The following GRM8 variants were observed in gnomAD, a reference collection of about 807,000 sequenced individuals.
The protein encoded by GRM8 is metabotropic glutamate receptor 8.
GRM8 carries 47 observed loss-of-function variants against 87.2 expected under a neutral mutation model. The observed-to-expected ratio is 0.54, with a 90% confidence interval of 0.43 to 0.69. The LOEUF is 0.69. Among genes scored for constraint, GRM8 ranks in the 30% least tolerant of loss-of-function variants. The probability of loss-of-function intolerance (pLI) is 0.00; values close to 1 mark genes in which losing one functional copy is unlikely to be tolerated. For missense variants in GRM8, 1,019 were observed against 1,139.2 expected (o/e 0.89, Z 1.52); for synonymous variants, 396 against 404.5 (o/e 0.98, Z 0.25).
At chr7:126,579,676 G>C (rs548517127) in intron 8 of GRM8, among the ~76,000 whole-genome samples, 99 of 152,240 alleles carry the variant, frequency 6.5e-4, no homozygotes, top group Non-Finnish European at 1.1e-3. Context: ...CTTTCTTCTA[G>C]ATCGCACCAG....
At chr7:126,866,613 A>T (rs1298109283) in intron 6 of GRM8, among the ~76,000 whole-genome samples, 1 of 96,398 alleles carries the variant, frequency 1.0e-5, no homozygotes, top group Non-Finnish European at 1.9e-5. Context: ...TTTTTTTGAG[A>T]CGGAGTCTTG....
chr7:126,906,390 A>G (rs905088569), intron 3 of GRM8, among the ~76,000 whole-genome samples: 4 of 152,138 alleles, frequency 2.6e-5, no homozygotes, highest in African/African-American at 9.7e-5. Flanking sequence ...ATCATAGTTC[A>G]CTGTAGCCTC....
At chr7:126,619,863 G>A (rs1263267681) in intron 7 of GRM8, among the ~76,000 whole-genome samples, 4 of 152,014 alleles carry the variant, frequency 2.6e-5, no homozygotes, top group African/African-American at 7.2e-5. Flanking sequence ...GCTAATTTTT[G>A]TAATTTTTGG....
At chr7:126,495,391 T>C (rs1423037323) in intron 9 of GRM8, among the ~76,000 whole-genome samples, 2 of 151,968 alleles carry the variant, frequency 1.3e-5, no homozygotes, top group African/African-American at 2.4e-5. Context: ...AATCCATTAA[T>C]TGGGGGATGC....
chr7:127,200,004 G>C (rs1359749766), intron 2 of GRM8, among the ~76,000 whole-genome samples: 1 of 152,170 alleles, frequency 6.6e-6, no homozygotes, highest in Non-Finnish European at 1.5e-5. Context: ...TTAGAGAAGA[G>C]AAATAAAGCT....
intron 2 of GRM8, among the ~76,000 whole-genome samples, chr7:127,141,312 G>A (rs1188673675): frequency 2.0e-5 from 3 of 151,358 alleles, no homozygotes; most frequent in Admixed American, 6.6e-5. Flanking sequence ...ATACCCTGGC[G>A]AAGCTATGGC....
intron 7 of GRM8, among the ~76,000 whole-genome samples, chr7:126,669,414 T>A (rs1806148164): frequency 1.3e-5 from 2 of 152,186 alleles, no homozygotes; most frequent in African/African-American, 4.8e-5. Context: ...TGCTTGGATC[T>A]GATGTTTTTA....
intron 3 of GRM8, among the ~76,000 whole-genome samples, chr7:126,995,491 G>A (rs912268079): frequency 6.6e-6 from 1 of 152,138 alleles, no homozygotes; most frequent in Non-Finnish European, 1.5e-5. Flanking sequence ...AATTCTATCA[G>A]ATACATTTAA....
At chr7:126,781,310 T>G (rs2151639813) in intron 6 of GRM8, among the ~76,000 whole-genome samples, 1 of 152,310 alleles carries the variant, frequency 6.6e-6, no homozygotes, top group African/African-American at 2.4e-5. Flanking sequence ...GTAGGATATG[T>G]CCAAGTTCAA....
intron 9 of GRM8, among the ~76,000 whole-genome samples, chr7:126,460,290 G>T (rs894281014): frequency 2.0e-5 from 3 of 151,554 alleles, no homozygotes; most frequent in Non-Finnish European, 4.4e-5. Flanking sequence ...CCAAGATGAA[G>T]CATGCACTAA....
intron 6 of GRM8, among the ~76,000 whole-genome samples, chr7:126,783,186 A>C (rs1224631622): frequency 6.6e-6 from 1 of 152,092 alleles, no homozygotes; most frequent in Non-Finnish European, 1.5e-5. Flanking sequence ...TTTCTCCCCC[A>C]ATGATCTAAA....
chr7:126,473,958 T>C (rs1386283836), intron 9 of GRM8, among the ~76,000 whole-genome samples: 1 of 152,160 alleles, frequency 6.6e-6, no homozygotes, highest in East Asian at 1.9e-4. Flanking sequence ...CATGTGGAAC[T>C]ATGAATCCAT....
At chr7:127,165,139 C>A (rs1793357220) in intron 2 of GRM8, among the ~76,000 whole-genome samples, 2 of 61,616 alleles carry the variant, frequency 3.2e-5, no homozygotes, top group South Asian at 5.8e-4. Context: ...AACATGTAAA[C>A]AGATATATAT....
Position 126,440,754 on chromosome 7 carries a change from T to C in GRM8, c.2678-1586A>G, listed in dbSNP as rs1269506875. On this transcript the variant is annotated intron_variant, in intron 10 of 10. Coordinates refer to ENST00000339582, the MANE Select transcript of GRM8 (RefSeq NM_000845.3). ...GGCTATACCATTTGGTTTGTGTAAG[T>C]ACACTGTATGATGTTTGCGCAAAGA... 2.0e-5 allele frequency among the ~76,000 whole-genome samples: 3 copies of C among 152,084 alleles called. No individual in the cohort carries two copies. The East Asian group carries it at 5.8e-4, about 29-fold the overall frequency.
At chr7:126,671,557 C>T (rs1326094711) in intron 7 of GRM8, among the ~76,000 whole-genome samples, 2 of 152,140 alleles carry the variant, frequency 1.3e-5, no homozygotes, top group African/African-American at 4.8e-5. Flanking sequence ...AAGTTTTCAC[C>T]TACATTTTAG....
intron 3 of GRM8, among the ~76,000 whole-genome samples, chr7:126,987,762 C>T (rs920019248): frequency 3.9e-5 from 6 of 152,200 alleles, no homozygotes; most frequent in Admixed American, 3.3e-4. Flanking sequence ...GGCGCCCGGC[C>T]TTCTTGTTTA....
chr7:126,983,607 G>T (rs1672981955), intron 3 of GRM8, among the ~76,000 whole-genome samples: 1 of 152,134 alleles, frequency 6.6e-6, no homozygotes, highest in African/African-American at 2.4e-5. Flanking sequence ...TGGCTGGGGT[G>T]ACTGACCCAG....
At chr7:127,251,482 A>G (rs1340915324) in intron 1 of GRM8, among the ~76,000 whole-genome samples, 1 of 152,020 alleles carries the variant, frequency 6.6e-6, no homozygotes, top group Non-Finnish European at 1.5e-5. Context: ...TATCTCTACC[A>G]TAACAGCGAC....
intron 3 of GRM8, among the ~76,000 whole-genome samples, chr7:126,999,936 C>T (rs892716749): frequency 5.9e-5 from 9 of 151,758 alleles, no homozygotes; most frequent in African/African-American, 1.4e-4. Context: ...AGCTTCACTC[C>T]CATGTTTGTT....
Sources: gnomAD v4.1 joint callset for allele counts (sites outside exome capture counted in the v4.1 genomes callset) on GRCh38, gnomAD v4.1.1 for gene constraint, MANE v1.5 for transcripts, NCBI Gene and HGNC (gene_info 2026-07-23, HGNC 2026-07-21) for gene names.